The following CNTN5 variants were observed in gnomAD, a reference collection of about 807,000 sequenced individuals.
CNTN5 encodes the protein contactin-5.
CNTN5 carries 77 observed loss-of-function variants against 129.1 expected under a neutral mutation model. The ratio of observed to expected loss-of-function variants is 0.60; its 90% CI spans 0.50 to 0.72. The LOEUF is 0.72. Ranked by LOEUF, CNTN5 falls within the 30% of genes least tolerant of loss-of-function variation. CNTN5 has a pLI of 0.00. For missense variants in CNTN5, 1,478 were observed against 1,328.8 expected, an observed-to-expected ratio of 1.11 and a Z score of -1.75; for synonymous variants, 509 against 465.6, an observed-to-expected ratio of 1.09 and a Z score of -1.20.
intron 6 of CNTN5, among the ~76,000 whole-genome samples, 199 bp downstream of exon 6, chr11:99,845,461 C>T (rs1438815679): frequency 5.4e-5 from 8 of 148,366 alleles, no homozygotes; most frequent in African/African-American, 1.5e-4. Context: ...CAAGCTCCGC[C>T]TCCCGGGTTC....
At chr11:100,002,323 A>G (rs1181062407) in intron 9 of CNTN5, among the ~76,000 whole-genome samples, 187 bp downstream of exon 9, 3 of 152,162 alleles carry the variant, frequency 2.0e-5, no homozygotes, top group Non-Finnish European at 2.9e-5. Flanking sequence ...AGTCATTTCT[A>G]TGGACAACAG....
At chr11:99,024,977 G>A (rs1863047658) in intron 1 of CNTN5, among the ~76,000 whole-genome samples, 1 of 151,712 alleles carries the variant, frequency 6.6e-6, no homozygotes, top group African/African-American at 2.4e-5. Flanking sequence ...TTAAAACACG[G>A]GTGTAAAGTT....
chr11:99,310,922 A>T (rs1865085605), intron 1 of CNTN5, among the ~76,000 whole-genome samples: 1 of 130,270 alleles, frequency 7.7e-6, no homozygotes, highest in Non-Finnish European at 1.6e-5. Context: ...GTAATGAATT[A>T]GGTTGATTAT....
At chr11:99,473,005 T>C (rs537801755) in intron 2 of CNTN5, among the ~76,000 whole-genome samples, 13 of 152,284 alleles carry the variant, frequency 8.5e-5, no homozygotes, top group Admixed American at 4.6e-4. Context: ...TGACACCTAC[T>C]ATAAATATTC....
At chr11:100,252,351 C>G (rs1160399393) in intron 16 of CNTN5, among the ~76,000 whole-genome samples, 1 of 152,130 alleles carries the variant, frequency 6.6e-6, no homozygotes, top group Non-Finnish European at 1.5e-5. Flanking sequence ...ATATTTTCTT[C>G]CATTCTGCGA....
chr11:99,194,688 C>T (rs1384110905), intron 1 of CNTN5, among the ~76,000 whole-genome samples: 2 of 152,192 alleles, frequency 1.3e-5, no homozygotes, highest in African/African-American at 4.8e-5. Context: ...TCACTGCAAC[C>T]TCCAGCTCCT....
chr11:100,171,016 A>G (rs1427832662), intron 13 of CNTN5, among the ~76,000 whole-genome samples: 2 of 152,012 alleles, frequency 1.3e-5, no homozygotes, highest in South Asian at 4.1e-4. Flanking sequence ...ATTACACATG[A>G]GATTACAAGT....
chr11:100,148,716 A>C (rs199762543), intron 13 of CNTN5, among the ~76,000 whole-genome samples: 14,353 of 102,640 alleles, frequency 0.14, 855 homozygotes, highest in South Asian at 0.17. Flanking sequence ...TCAGATAGAT[A>C]TATCTAACAA....
chr11:99,464,436 G>T (rs2135248655), intron 2 of CNTN5, among the ~76,000 whole-genome samples: 1 of 152,238 alleles, frequency 6.6e-6, no homozygotes, highest in Non-Finnish European at 1.5e-5. Context: ...AAGGTATTCA[G>T]TATGAACATA....
chr11:99,051,829 T>G (rs1361463442), intron 1 of CNTN5, among the ~76,000 whole-genome samples: 2 of 151,900 alleles, frequency 1.3e-5, no homozygotes, highest in African/African-American at 2.4e-5. Context: ...AAGGAAGTGT[T>G]TATTCTTTCA....
rs150307212 is a variant in CNTN5 at position 99,231,454 on chromosome 11, G to C, written c.-209-93892G>C. 2.2e-3 allele frequency among the ~76,000 whole-genome samples: 338 copies of C among 152,206 alleles called. 1 individual carries two copies. Among genetic ancestry groups the C allele is most frequent in the African/African-American group, 7.8e-3 (323 of 41,516 alleles). ...TGCCTCTATAAACGTCTATTTTTGAGAAATGTCTGTCCGTGTCCTTTGCCC... is the reference window on the plus strand; with the variant it reads ...TGCCTCTATAAACGTCTATTTTTGACAAATGTCTGTCCGTGTCCTTTGCCC... On this transcript the variant is annotated intron_variant, in intron 1 of 24. Coordinates refer to ENST00000524871, the MANE Select transcript of CNTN5 (RefSeq NM_014361.4).
chr11:99,260,526 T>C (rs892349045), intron 1 of CNTN5, among the ~76,000 whole-genome samples: 1 of 151,880 alleles, frequency 6.6e-6, no homozygotes, highest in Non-Finnish European at 1.5e-5. Flanking sequence ...GATTCTTTTA[T>C]CTCTTCCTTT....
chr11:99,352,977 C>A (rs954807309), intron 2 of CNTN5, among the ~76,000 whole-genome samples: 1 of 152,190 alleles, frequency 6.6e-6, no homozygotes, highest in African/African-American at 2.4e-5. Context: ...CCTTATACCA[C>A]AGATCCTTTG....
At position 99,115,364 on chromosome 11, in the gene CNTN5, T is replaced by A. The variant is rs186509478; in HGVS notation, c.-210+94094T>A. Among the ~76,000 whole-genome samples the A allele has an allele frequency of 3.8e-3, 572 of 152,314 alleles. 3 individuals are homozygous for A. Among genetic ancestry groups the A allele is most frequent in the Non-Finnish European group, 5.7e-3 (387 of 68,030 alleles). On this transcript the variant is annotated intron_variant, in intron 1 of 24. Coordinates refer to ENST00000524871, the MANE Select transcript of CNTN5 (RefSeq NM_014361.4). ...AATTAAATGAAATGTAATAACATAATGCTTATAATATCTTACATATAGTAT... is the reference window on the plus strand; with the variant it reads ...AATTAAATGAAATGTAATAACATAAAGCTTATAATATCTTACATATAGTAT...
chr11:99,241,297 C>A (rs996717002), intron 1 of CNTN5, among the ~76,000 whole-genome samples: 2 of 143,786 alleles, frequency 1.4e-5, no homozygotes, highest in Non-Finnish European at 1.5e-5. Flanking sequence ...TCTATTGTGA[C>A]ACTCCTTCAT....
At position 99,900,122 on chromosome 11, in the gene CNTN5, AG is replaced by A. The variant is rs1949316198; in HGVS notation, c.578-15931del. On this transcript the variant is annotated intron_variant, in intron 6 of 24. Transcript: ENST00000524871. ...TCTCTTTTTTTTTCTTAGCCCAACT[AG>A]CGTTCTATGAATTTTCTTTATCCTT... 2.0e-5 allele frequency among the ~76,000 whole-genome samples: 3 copies of A among 150,498 alleles called. No individual in the cohort carries two copies. The South Asian group carries it at 6.3e-4, about 31-fold the overall frequency.
At chr11:99,511,322 G>A (rs963357512) in intron 2 of CNTN5, among the ~76,000 whole-genome samples, 1 of 152,084 alleles carries the variant, frequency 6.6e-6, no homozygotes, top group Non-Finnish European at 1.5e-5. Flanking sequence ...TTCAGGAGCA[G>A]GTTGTTCAGT....
At chr11:99,446,823 A>G (rs1018248490) in intron 2 of CNTN5, among the ~76,000 whole-genome samples, 2 of 152,140 alleles carry the variant, frequency 1.3e-5, no homozygotes, top group Non-Finnish European at 2.9e-5. Flanking sequence ...TCCTCCTCAT[A>G]AGGTTGAATG....
At chr11:99,370,373 G>T (rs1333523978) in intron 2 of CNTN5, among the ~76,000 whole-genome samples, 1 of 152,120 alleles carries the variant, frequency 6.6e-6, no homozygotes, top group Non-Finnish European at 1.5e-5. Context: ...GAAAAATTTT[G>T]TAGTCACATT....
Sources: gnomAD v4.1 joint callset for allele counts (sites outside exome capture counted in the v4.1 genomes callset) on GRCh38, gnomAD v4.1.1 for gene constraint, MANE v1.5 for transcripts, NCBI Gene and HGNC (gene_info 2026-07-23, HGNC 2026-07-21) for gene names.